The following SLC24A4 variants were observed in gnomAD, a reference collection of about 807,000 sequenced individuals.
SLC24A4 encodes sodium/potassium/calcium exchanger 4.
Under a neutral mutation model 79.0 loss-of-function variants are expected in SLC24A4, and 53 were observed. The ratio of observed to expected loss-of-function variants is 0.67; its 90% CI spans 0.54 to 0.84. SLC24A4 has a LOEUF of 0.84. Among genes scored for constraint, SLC24A4 ranks in the 40% least tolerant of loss-of-function variants. The pLI, the probability that SLC24A4 is intolerant of heterozygous loss-of-function variation, is 0.00. For synonymous variants in SLC24A4, 323 were observed against 323.8 expected (o/e 1.00, Z 0.03); for missense variants, 731 against 822.0 (o/e 0.89, Z 1.35).
intron 13 of SLC24A4, chr14:92,484,410 T>C: frequency 1.0e-6 from 1 of 985,290 alleles, no homozygotes; most frequent in Non-Finnish European, 1.2e-6. Context: ...CCCCAGCCTG[T>C]TCCCTTTCTC....
At chr14:92,472,072 G>A (rs549495876) in intron 12 of SLC24A4, among the ~76,000 whole-genome samples, 44 of 152,198 alleles carry the variant, frequency 2.9e-4, no homozygotes, top group Admixed American at 1.1e-3. Flanking sequence ...GCTGCCTGCT[G>A]GGAGCATGAC....
At chr14:92,409,359 T>C (rs4904898) in intron 2 of SLC24A4, among the ~76,000 whole-genome samples, 151,347 of 152,352 alleles carry the variant, frequency 0.99, 75,182 homozygotes, top group Middle Eastern at 1. Context: ...CTGTTTGAGT[T>C]TCTGAAGCGT....
At chr14:92,466,482 T>A (rs542699838) in intron 12 of SLC24A4, among the ~76,000 whole-genome samples, 1 of 152,256 alleles carries the variant, frequency 6.6e-6, no homozygotes, top group South Asian at 2.1e-4. Flanking sequence ...TAGCTTACTG[T>A]TTACCACAAA....
At chr14:92,397,712 G>A (rs1364563820) in intron 2 of SLC24A4, among the ~76,000 whole-genome samples, 1 of 152,182 alleles carries the variant, frequency 6.6e-6, no homozygotes, top group Non-Finnish European at 1.5e-5. Context: ...GCTGGCCATA[G>A]CCAAGTTTTG....
intron 3 of SLC24A4, among the ~76,000 whole-genome samples, chr14:92,434,419 G>A (rs560003392): frequency 5.9e-5 from 9 of 152,296 alleles, no homozygotes; most frequent in African/African-American, 1.7e-4. Context: ...CCCAAGTTAG[G>A]ATGGTTCCAC....
chr14:92,351,236 G>GCGCACACACACACACACACACA (rs112120101), intron 2 of SLC24A4, among the ~76,000 whole-genome samples: 1 of 146,986 alleles, frequency 6.8e-6, no homozygotes, highest in Non-Finnish European at 1.5e-5. Flanking sequence ...ACACATACAC[G>GCGCACACACACACACACACACA]CACACACACA....
rs894807166 is a variant in SLC24A4, at chr14:92,493,785, C to T, written c.*157C>T. The T allele has an allele frequency of 5.6e-6, 5 of 896,438 alleles. No homozygotes were observed. Among genetic ancestry groups the T allele is most frequent in the African/African-American group, 3.4e-5 (2 of 59,262 alleles). 55.5% of individuals were successfully genotyped at this position (896,438 alleles called of 1,614,324 possible). ...AGAGCCATCGTGGTCTTTGTCTGGC[C>T]ACAGGCCAGGCTGCTGGGCATCCTC... On this transcript the variant is annotated 3_prime_UTR_variant, in exon 17 of 17. Coordinates refer to ENST00000532405, the MANE Select transcript of SLC24A4 (RefSeq NM_153646.4).
intron 2 of SLC24A4, among the ~76,000 whole-genome samples, chr14:92,402,358 G>T (rs943871813): frequency 1.3e-5 from 2 of 152,116 alleles, no homozygotes; most frequent in Non-Finnish European, 2.9e-5. Flanking sequence ...CTCTTCTCGG[G>T]TATATATTTT....
At chr14:92,438,673 G>T (rs1037355536) in intron 3 of SLC24A4, among the ~76,000 whole-genome samples, 1 of 146,568 alleles carries the variant, frequency 6.8e-6, no homozygotes, top group African/African-American at 2.5e-5. Flanking sequence ...GGGGGAAGGG[G>T]TGCAGCGCTT....
chr14:92,415,480 G>A (rs151309754), intron 2 of SLC24A4, among the ~76,000 whole-genome samples: 2,492 of 151,882 alleles, frequency 0.016, 33 homozygotes, highest in Non-Finnish European at 0.022. Flanking sequence ...TTTTCGAGAC[G>A]GAGTTTCACT....
chr14:92,493,863 A>G lies in SLC24A4; in HGVS notation c.*235A>G. 1 of 553,200 alleles carries G rather than the reference A, an allele frequency of 1.8e-6. No homozygotes were observed. The highest frequency in any genetic ancestry group is 3.2e-6 in the Non-Finnish European group (1 of 312,996). 34.3% of individuals were successfully genotyped at this position (553,200 alleles called of 1,614,324 possible). ...GGCTGGATTTGGGGGCCATTATCTG[A>G]GCAGCTTCAAAGACCCCTGAGCTGC... On this transcript the variant is annotated 3_prime_UTR_variant, in exon 17 of 17. Coordinates refer to ENST00000532405, the MANE Select transcript of SLC24A4 (RefSeq NM_153646.4).
At chr14:92,437,397 C>A (rs929125697) in intron 3 of SLC24A4, among the ~76,000 whole-genome samples, 1 of 152,202 alleles carries the variant, frequency 6.6e-6, no homozygotes, top group Non-Finnish European at 1.5e-5. Flanking sequence ...CTGATCCCCT[C>A]GGTAGTTCCT....
intron 2 of SLC24A4, among the ~76,000 whole-genome samples, chr14:92,403,072 C>G (rs909763795): frequency 6.6e-6 from 1 of 152,154 alleles, no homozygotes. Context: ...CAACAGGTGG[C>G]TTTCAGGTCC....
intron 9 of SLC24A4, among the ~76,000 whole-genome samples, chr14:92,448,840 A>G (rs1223455098): frequency 6.6e-6 from 1 of 152,214 alleles, no homozygotes; most frequent in Non-Finnish European, 1.5e-5. Flanking sequence ...TCATGCCTCC[A>G]GGAAGTCCAC....
At chr14:92,414,815 C>T (rs1299142518) in intron 2 of SLC24A4, among the ~76,000 whole-genome samples, 3 of 152,216 alleles carry the variant, frequency 2.0e-5, no homozygotes, top group African/African-American at 7.2e-5. Context: ...GATGCCCATT[C>T]TCACTCTCTG....
chr14:92,480,355 A>G (rs12889519), intron 12 of SLC24A4, among the ~76,000 whole-genome samples: 112,720 of 124,690 alleles, frequency 0.9, 51,986 homozygotes, highest in Non-Finnish European at 0.99. Context: ...CTGCAGTGGC[A>G]CAATCTCAGC....
rs1009627480 is a variant in SLC24A4, at chr14:92,423,138, T to C, written c.242-10774T>C. On this transcript the variant is annotated intron_variant, in intron 2 of 16. Transcript: ENST00000532405. ...TAATTTACTTTATTTAATTTAATTT[T>C]ATTTCATTTCATTTTTTTTTGAGAC... Among the ~76,000 whole-genome samples the C allele has an allele frequency of 5.5e-5, 5 of 91,294 alleles. No individual in the cohort carries two copies. In the South Asian group the frequency reaches 1.2e-3, roughly 23 times the overall value. 59.9% of individuals were successfully genotyped at this position (91,294 alleles called of 152,430 possible).
chr14:92,404,989 T>G (rs1890301089), intron 2 of SLC24A4, among the ~76,000 whole-genome samples: 1 of 152,128 alleles, frequency 6.6e-6, no homozygotes, highest in African/African-American at 2.4e-5. Flanking sequence ...AAGAAATAGA[T>G]TTTAAAAAAA....
chr14:92,431,811 C>A (rs1891886316), intron 2 of SLC24A4, among the ~76,000 whole-genome samples: 1 of 152,154 alleles, frequency 6.6e-6, no homozygotes, highest in Non-Finnish European at 1.5e-5. Flanking sequence ...CATGATGTGA[C>A]CAGGTTCGCA....
Sources: allele counts gnomAD v4.1 joint callset (sites outside exome capture counted in the v4.1 genomes callset), GRCh38; gene constraint gnomAD v4.1.1; transcripts MANE v1.5; gene names NCBI Gene and HGNC (gene_info 2026-07-23, HGNC 2026-07-21).